Variants in HIVEP3 observed in about 807,000 individuals in gnomAD.
HIVEP3 encodes the protein transcription factor HIVEP3.
Under a neutral mutation model 152.8 loss-of-function variants are expected in HIVEP3, and 49 were observed. The observed-to-expected ratio is 0.32, with a 90% CI of 0.26 to 0.41. HIVEP3 has a LOEUF of 0.41. HIVEP3 is among the 10% of genes least tolerant of loss of function. The pLI is 1.00. For missense variants in HIVEP3, 2,790 were observed against 3,103.3 expected (o/e 0.90, Z 2.40); for synonymous variants, 1,269 against 1,289.0 (o/e 0.98, Z 0.33).
chr1:41,907,007 C>A (rs1644723570), intron 1 of HIVEP3, among the ~76,000 whole-genome samples: 1 of 152,110 alleles, frequency 6.6e-6, no homozygotes, highest in Non-Finnish European at 1.5e-5. Context: ...TGGTTCTCAG[C>A]CTGCTTCAGA....
At chr1:41,920,378 T>G (rs554394612), upstream of HIVEP3, among the ~76,000 whole-genome samples, 79 of 152,192 alleles carry the variant, frequency 5.2e-4, no homozygotes, top group African/African-American at 1.6e-3. Flanking sequence ...TGCTTCTCCA[T>G]CTACCCAGCC....
At chr1:41,741,347 C>G (rs908247573) in intron 1 of HIVEP3, among the ~76,000 whole-genome samples, 1 of 152,216 alleles carries the variant, frequency 6.6e-6, no homozygotes, top group African/African-American at 2.4e-5. Flanking sequence ...TGCTTCCCAC[C>G]TTTGCATTCT....
chr1:41,585,194 T>C lies in HIVEP3; in HGVS notation c.-397A>G, dbSNP rs1416282642. The C allele has an allele frequency of 1.3e-5, 5 of 399,142 alleles. No homozygotes were observed. The highest frequency in any genetic ancestry group is 2.1e-5 in the African/African-American group (1 of 48,618). The allele number at this position is 399,142 out of a possible 1,614,324, so 24.7% of individuals were successfully genotyped here. A position where few individuals can be genotyped will look rare whatever the true frequency, so the allele number is the denominator to read the frequency against. ...CGGTTGAAGGTTGGAGACATCTGTG[T>C]CCATGGCCCAGTCATCCCTGGTCCT... On this transcript the variant is annotated 5_prime_UTR_variant, in exon 4 of 9. Coordinates refer to ENST00000372583, the MANE Select transcript of HIVEP3 (RefSeq NM_024503.5).
chr1:41,791,743 G>A (rs540104810), intron 1 of HIVEP3, among the ~76,000 whole-genome samples: 6 of 152,138 alleles, frequency 3.9e-5, no homozygotes, highest in Admixed American at 1.3e-4. Flanking sequence ...GCAGAAAATC[G>A]AATCCTAGCC....
chr1:41,547,613 G>C (rs917353469), intron 5 of HIVEP3, among the ~76,000 whole-genome samples: 8 of 152,162 alleles, frequency 5.3e-5, no homozygotes, highest in African/African-American at 1.9e-4. Context: ...GGGACCTGGG[G>C]ACCAGCACAG....
In HIVEP3 at chr1:41,510,612, A is replaced by G. The variant is rs1255833333; in HGVS notation, c.7060T>C (p.Ser2354Pro). ...GAGGCCTCTGCCAGGCAGCCCACAG[A>G]GCTGCTGCGGTCCAGCGGCGGGGTG... Reference protein sequence around the residue: ...SATPPLDRSSSVGCLAEASAR... With the variant: ...SATPPLDRSSPVGCLAEASAR... Residue 2354 changes from serine to proline, a missense_variant, in exon 9 of 9, where the codon TCT becomes CCT. Ser to Pro is a moderately conservative substitution (Grantham distance 74). This residue lies in a region of HIVEP3 where 816 missense variants were observed against 806.5 expected (regional missense o/e 1.01). Coordinates refer to ENST00000372583, the MANE Select transcript of HIVEP3 (RefSeq NM_024503.5). The G allele has an allele frequency of 6.4e-7, 1 of 1,554,044 alleles. No homozygotes were observed. Among genetic ancestry groups the G allele is most frequent in the Admixed American group, 1.9e-5 (1 of 51,432 alleles).
At chr1:42,032,233 T>C (rs1645617205) in intron 1 of HIVEP3, among the ~76,000 whole-genome samples, 1 of 152,130 alleles carries the variant, frequency 6.6e-6, no homozygotes, top group African/African-American at 2.4e-5. Flanking sequence ...CACAAAATGC[T>C]CCAGCCCTAC....
intron 1 of HIVEP3, among the ~76,000 whole-genome samples, chr1:42,016,414 T>C (rs1346994937): frequency 6.6e-6 from 1 of 152,162 alleles, no homozygotes; most frequent in Non-Finnish European, 1.5e-5. Context: ...CTATTTAGCA[T>C]CTTCTGGTTA....
intron 1 of HIVEP3, among the ~76,000 whole-genome samples, chr1:41,894,990 C>G (rs149674051): frequency 1.3e-5 from 2 of 151,886 alleles, no homozygotes; most frequent in Non-Finnish European, 2.9e-5. Flanking sequence ...GACCCTCCCC[C>G]ACAACCACCC....
chr1:41,769,629 G>A (rs4600038), intron 1 of HIVEP3, among the ~76,000 whole-genome samples: 57,107 of 151,748 alleles, frequency 0.38, 11,724 homozygotes, highest in Middle Eastern at 0.55. Flanking sequence ...AAGGAAGGAA[G>A]TAAAAAGGAT....
intron 1 of HIVEP3, among the ~76,000 whole-genome samples, chr1:42,025,997 G>A (rs1645579796): frequency 6.6e-6 from 1 of 151,992 alleles, no homozygotes; most frequent in Non-Finnish European, 1.5e-5. Context: ...TTGAACCCAG[G>A]AGGTTGAAGC....
intron 1 of HIVEP3, among the ~76,000 whole-genome samples, chr1:41,748,276 C>A (rs1647103160): frequency 6.6e-6 from 1 of 152,174 alleles, no homozygotes; most frequent in African/African-American, 2.4e-5. Flanking sequence ...ACCCTTGTTA[C>A]TTTCCCTCAG....
chr1:41,827,681 T>C (rs1642842709), intron 1 of HIVEP3, among the ~76,000 whole-genome samples: 1 of 152,198 alleles, frequency 6.6e-6, no homozygotes, highest in African/African-American at 2.4e-5. Context: ...AGATCATTAA[T>C]AAATATATTA....
chr1:41,768,384 C>T (rs1015422945), intron 1 of HIVEP3, among the ~76,000 whole-genome samples: 3 of 152,190 alleles, frequency 2.0e-5, no homozygotes, highest in African/African-American at 7.2e-5. Flanking sequence ...CAATTACCTC[C>T]CACCAGGTTC....
Position 41,918,488 on chromosome 1 carries a change from G to A in HIVEP3, c.-876C>T, listed in dbSNP as rs1048693234. 4.6e-5 allele frequency: 7 copies of A among 152,116 alleles called. No individual in the cohort carries two copies. The highest frequency in any genetic ancestry group is 1.2e-4 in the African/African-American group (5 of 41,406). 9.4% of individuals were successfully genotyped at this position (152,116 alleles called of 1,614,324 possible). On this transcript the variant is annotated 5_prime_UTR_variant, in exon 1 of 9. Transcript: ENST00000372583. The surrounding 1 kb of genome is among the most constrained non-coding windows in gnomAD (Gnocchi z 4.3). Reference sequence around the variant, plus strand: ...CAGCCCCTTCTTCATGAATTATTCCGGCCAGGCAGGATTTTGTGCATTTTT... The same window carrying A: ...CAGCCCCTTCTTCATGAATTATTCCAGCCAGGCAGGATTTTGTGCATTTTT...
In HIVEP3 at chr1:41,601,980, T is replaced by G. The variant is rs192225954; in HGVS notation, c.-521-16662A>C. Among the ~76,000 whole-genome samples the G allele has an allele frequency of 3.9e-5, 6 of 152,266 alleles. No homozygotes were observed. In the East Asian group the frequency reaches 1.2e-3, roughly 29 times the overall value. ...TGTGTTGAATTTTGTCAAATGCCTT[T>G]TCTGCATCTGTTGAGATGCTCATGT... On this transcript the variant is annotated intron_variant, in intron 3 of 8. Transcript: ENST00000372583.
chr1:41,637,750 A>G (rs1645299245), intron 2 of HIVEP3, among the ~76,000 whole-genome samples: 1 of 152,152 alleles, frequency 6.6e-6, no homozygotes, highest in Admixed American at 6.5e-5. Flanking sequence ...ACATTTCCAT[A>G]CTGTTCTTTT....
intron 2 of HIVEP3, among the ~76,000 whole-genome samples, chr1:41,696,170 G>A (rs1003603555): frequency 6.6e-6 from 1 of 152,262 alleles, no homozygotes; most frequent in African/African-American, 2.4e-5. Flanking sequence ...CCACACCCCT[G>A]AGGGCATTTC....
rs372676427 is a variant in HIVEP3 at position 41,637,060 on chromosome 1, A to T, written c.-720-8113T>A. Reference sequence around the variant, plus strand: ...AGTGGTGGAGGGAGGAGTCGTCATCAAATACTTCTCAAATACTGCTAGTAG... The same window carrying T: ...AGTGGTGGAGGGAGGAGTCGTCATCTAATACTTCTCAAATACTGCTAGTAG... On this transcript the variant is annotated intron_variant, in intron 2 of 8. Transcript: ENST00000372583. Among the ~76,000 whole-genome samples, 72 of 152,334 alleles carry T rather than the reference A, an allele frequency of 4.7e-4. 1 individual carries two copies. In the South Asian group the frequency reaches 0.014, roughly 30 times the overall value.
Sources: allele counts gnomAD v4.1 joint callset (sites outside exome capture counted in the v4.1 genomes callset), GRCh38; gene constraint gnomAD v4.1.1; regional missense constraint gnomAD v4.1.1; non-coding constraint Gnocchi (gnomAD v3.1); transcripts MANE v1.5; gene names NCBI Gene and HGNC (gene_info 2026-07-23, HGNC 2026-07-21).